Variants in FNIP1 observed in about 807,000 individuals in gnomAD.
The protein encoded by FNIP1 is folliculin interacting protein 1, also known as folliculin-interacting protein 1.
In FNIP1, 40 loss-of-function variants were observed where a neutral mutation model predicts 124.5. That is an observed-to-expected ratio of 0.32 (90% CI 0.25 to 0.42). FNIP1 has a LOEUF of 0.42. Among genes scored for constraint, FNIP1 ranks in the 10% least tolerant of loss-of-function variants. FNIP1 has a pLI of 1.00. For synonymous variants in FNIP1, 472 were observed against 470.6 expected (o/e 1.00, Z -0.04); for missense variants, 1,176 against 1,403.7 (o/e 0.84, Z 2.59).
At chr5:131,678,945 C>T in intron 12 of FNIP1, 84 bp downstream of exon 12, 1 of 913,268 alleles carries the variant, frequency 1.1e-6, no homozygotes, top group Non-Finnish European at 1.6e-6. Context: ...TAAAATAATT[C>T]CAAAGATAAT....
chr5:131,796,961 T>G lies in FNIP1; in HGVS notation c.-40A>C. ...GGCAGGGGTCGCTCCGCTGGGCGCT[T>G]GCTAGGCCCCTGCTCCTACAGCCGC... On this transcript the variant is annotated 5_prime_UTR_variant, in exon 1 of 18. Coordinates refer to ENST00000510461, the MANE Select transcript of FNIP1 (RefSeq NM_133372.3). 2 of 1,549,194 alleles carry G rather than the reference T, an allele frequency of 1.3e-6. No homozygotes were observed. The highest frequency in any genetic ancestry group is 2.4e-5 in the East Asian group (1 of 42,030).
At position 131,731,653 on chromosome 5, in the gene FNIP1, CA is replaced by C. The variant is rs542196787; in HGVS notation, c.220-616del. 4.1e-4 allele frequency among the ~76,000 whole-genome samples: 60 copies of C among 146,644 alleles called. No homozygotes were observed. In the Middle Eastern group the frequency reaches 0.028, roughly 69 times the overall value. On this transcript the variant is annotated intron_variant, in intron 2 of 17. Transcript: ENST00000510461. ...TGAGACTCTGTTTCAAAAAAAAAAA[CA>C]AAAAAAAACCCAAACAAACAAAACA...
rs991083668 is a variant in FNIP1 at position 131,641,739 on chromosome 5, A to G, written c.*2946T>C. 6.5e-6 allele frequency: 1 copy of G among 152,814 alleles called. No homozygotes were observed. Among genetic ancestry groups the G allele is most frequent in the East Asian group, 1.9e-4 (1 of 5,340 alleles). The allele number at this position is 152,814 out of a possible 1,614,324, so 9.5% of individuals were successfully genotyped here. The stretch of plus-strand genomic sequence containing the variant: ...TCAAGTTGACATGTGTATTTATTGC[A>G]CAAATATCCCCTAGAACTGGGAGGT... On this transcript the variant is annotated 3_prime_UTR_variant, in exon 18 of 18. Coordinates refer to ENST00000510461, the MANE Select transcript of FNIP1 (RefSeq NM_133372.3).
At chr5:131,661,595 C>T (rs1210885376) in intron 15 of FNIP1, among the ~76,000 whole-genome samples, 1 of 152,160 alleles carries the variant, frequency 6.6e-6, no homozygotes, top group Non-Finnish European at 1.5e-5. Context: ...GATGGTCTCT[C>T]GCCCCTCTCC....
At chr5:131,699,861 A>G (rs904212567) in intron 10 of FNIP1, among the ~76,000 whole-genome samples, 1 of 128,204 alleles carries the variant, frequency 7.8e-6, no homozygotes, top group African/African-American at 2.7e-5. Context: ...AGTTGCAGTG[A>G]GCTGAGATCA....
At chr5:131,792,306 G>A (rs571594385) in intron 1 of FNIP1, among the ~76,000 whole-genome samples, 3 of 151,752 alleles carry the variant, frequency 2.0e-5, no homozygotes, top group South Asian at 2.1e-4. Flanking sequence ...GATTACAGGC[G>A]CCCGCCACCA....
At chr5:131,788,311 T>C (rs1772283447) in intron 1 of FNIP1, among the ~76,000 whole-genome samples, 1 of 152,058 alleles carries the variant, frequency 6.6e-6, no homozygotes. Flanking sequence ...ATGTTTTACA[T>C]GGGAAGTTAT....
intron 1 of FNIP1, 79 bp downstream of exon 1, chr5:131,796,751 C>A: frequency 7.4e-7 from 1 of 1,358,054 alleles, no homozygotes; most frequent in Non-Finnish European, 1.0e-6. Flanking sequence ...CGGGTCGGAA[C>A]ACCGAAGGCC....
chr5:131,725,270 G>A (rs746737355), intron 3 of FNIP1, among the ~76,000 whole-genome samples: 1 of 152,126 alleles, frequency 6.6e-6, no homozygotes, highest in Non-Finnish European at 1.5e-5. Flanking sequence ...GGATAGCATT[G>A]AATCTATAAA....
intron 7 of FNIP1, among the ~76,000 whole-genome samples, chr5:131,709,474 A>G (rs1169400461): frequency 6.6e-6 from 1 of 152,224 alleles, no homozygotes; most frequent in Non-Finnish European, 1.5e-5. Flanking sequence ...GATACACAGT[A>G]TAAGAATCTA....
chr5:131,693,206 A>G (rs1368661693), intron 11 of FNIP1, among the ~76,000 whole-genome samples: 1 of 147,428 alleles, frequency 6.8e-6, no homozygotes, highest in Non-Finnish European at 1.5e-5. Flanking sequence ...ATGTGTACAC[A>G]TATCAAAACA....
chr5:131,738,724 T>C (rs564392141), intron 2 of FNIP1, among the ~76,000 whole-genome samples: 4 of 152,186 alleles, frequency 2.6e-5, no homozygotes, highest in African/African-American at 9.6e-5. Flanking sequence ...CAGGCTGGTC[T>C]TGAACTCCCG....
At chr5:131,710,332 T>C (rs780051797) in intron 7 of FNIP1, among the ~76,000 whole-genome samples, 2 of 152,200 alleles carry the variant, frequency 1.3e-5, no homozygotes, top group Admixed American at 6.5e-5. Context: ...AAAATCATTA[T>C]GCCACAAGAG....
intron 5 of FNIP1, among the ~76,000 whole-genome samples, chr5:131,717,854 C>T (rs1769520324): frequency 6.6e-6 from 1 of 151,902 alleles, no homozygotes; most frequent in South Asian, 2.1e-4. Flanking sequence ...TTTTTGGCTT[C>T]AATATTTTTT....
intron 6 of FNIP1, among the ~76,000 whole-genome samples, chr5:131,713,204 C>A (rs1230293771): frequency 6.6e-6 from 1 of 152,126 alleles, no homozygotes; most frequent in Non-Finnish European, 1.5e-5. Context: ...CCACCACGCC[C>A]GGCTAATTTT....
chr5:131,740,445 T>C (rs1266904449), intron 2 of FNIP1, among the ~76,000 whole-genome samples: 2 of 152,230 alleles, frequency 1.3e-5, no homozygotes, highest in Non-Finnish European at 2.9e-5. Context: ...AATTTACTGA[T>C]GTACAACTTT....
intron 1 of FNIP1, among the ~76,000 whole-genome samples, chr5:131,791,608 A>G (rs535040157): frequency 6.6e-6 from 1 of 152,368 alleles, no homozygotes; most frequent in East Asian, 1.9e-4. Context: ...CTGGGAAACC[A>G]TAAGACTGGA....
At chr5:131,672,961 T>C (rs1767809961) in intron 13 of FNIP1, 37 bp from the exon 14 acceptor site, 1 of 1,387,456 alleles carries the variant, frequency 7.2e-7, no homozygotes. Context: ...ACATGTCCTT[T>C]ACTGACACAG....
intron 1 of FNIP1, among the ~76,000 whole-genome samples, chr5:131,754,771 T>C (rs892089188): frequency 2.0e-5 from 3 of 152,272 alleles, no homozygotes; most frequent in African/African-American, 7.2e-5. Flanking sequence ...TTTTAAACAA[T>C]AGCTGACAAG....
Sources: allele counts gnomAD v4.1 joint callset (sites outside exome capture counted in the v4.1 genomes callset), GRCh38; gene constraint gnomAD v4.1.1; transcripts MANE v1.5; gene names NCBI Gene and HGNC (gene_info 2026-07-23, HGNC 2026-07-21).